The following RELN variants were observed in gnomAD, a reference collection of about 807,000 sequenced individuals.
RELN encodes reelin.
In RELN, 108 loss-of-function variants were observed where a neutral mutation model predicts 427.6. The observed-to-expected ratio is 0.25, with a 90% CI of 0.22 to 0.30. The LOEUF (loss-of-function observed/expected upper bound fraction) is 0.30. Ranked by LOEUF, RELN falls within the 10% of genes least tolerant of loss-of-function variation. RELN has a pLI of 1.00. For synonymous variants in RELN, 1,524 were observed against 1,513.4 expected, an observed-to-expected ratio of 1.01 and a Z score of -0.16; for missense variants, 3,715 against 4,302.8, an observed-to-expected ratio of 0.86 and a Z score of 3.82.
At chr7:103,547,372 C>T (rs190278213) in intron 41 of RELN, among the ~76,000 whole-genome samples, 262 of 152,334 alleles carry the variant, frequency 1.7e-3, no homozygotes, top group African/African-American at 6.0e-3. Flanking sequence ...TCTTGGCTCA[C>T]TGCAACCTCC....
At chr7:103,486,054 C>T (rs1245643447) in intron 61 of RELN, 143 bp downstream of exon 61, 2 of 770,952 alleles carry the variant, frequency 2.6e-6, no homozygotes, top group Non-Finnish European at 4.5e-6. Context: ...TATATGCTTC[C>T]TTGTCCCAAA....
intron 64 of RELN, among the ~76,000 whole-genome samples, chr7:103,476,295 C>T (rs574545922): frequency 9.2e-5 from 14 of 152,018 alleles, no homozygotes; most frequent in African/African-American, 3.4e-4. Context: ...AACCCCATCT[C>T]TACTAAAAAT....
At chr7:103,624,419 T>G (rs1256923810) in intron 20 of RELN, among the ~76,000 whole-genome samples, 2 of 152,026 alleles carry the variant, frequency 1.3e-5, no homozygotes, top group East Asian at 1.9e-4. Flanking sequence ...CCTTTTTTCC[T>G]CATGTCCCAC....
intron 6 of RELN, among the ~76,000 whole-genome samples, chr7:103,749,035 T>C (rs547827260): frequency 2.0e-5 from 3 of 152,256 alleles, no homozygotes; most frequent in South Asian, 4.1e-4. Flanking sequence ...GTATACATAA[T>C]GAGTTGACCT....
chr7:103,532,410 G>C (rs1049940733), intron 46 of RELN, among the ~76,000 whole-genome samples: 2 of 151,446 alleles, frequency 1.3e-5, no homozygotes, highest in Admixed American at 1.3e-4. Flanking sequence ...GTTTACCTAT[G>C]TAACAAACCT....
At chr7:103,671,353 T>G (rs897891300) in intron 11 of RELN, among the ~76,000 whole-genome samples, 12 of 152,140 alleles carry the variant, frequency 7.9e-5, no homozygotes, top group African/African-American at 2.9e-4. Flanking sequence ...GTTTTAGGTT[T>G]TTATGACATG....
chr7:103,755,696 G>C (rs146052539), intron 4 of RELN, among the ~76,000 whole-genome samples: 8 of 148,490 alleles, frequency 5.4e-5, no homozygotes, highest in African/African-American at 2.0e-4. Context: ...GGTGCCTGTA[G>C]TCCCAGCTAC....
Position 103,557,066 on chromosome 7 carries a change from G to T in RELN, c.5708C>A (p.Thr1903Lys). ...HLMDEFYFPQ[T>K]TNILFINVPL... ...AACATTGATGAAAAGTATATTCGTT[G>T]TTTGAGGAAAGTAAAATTCATCCAT... The change falls in exon 38 of 65, where the codon ACA becomes AAA. Residue 1903 changes from threonine to lysine, a missense_variant. By Grantham distance (78) the Thr-to-Lys change is moderately conservative (BLOSUM62 -1). Transcript: ENST00000428762. 2 of 1,613,390 alleles carry T rather than the reference G, an allele frequency of 1.2e-6. No individual in the cohort carries two copies. The highest frequency in any genetic ancestry group is 1.1e-5 in the South Asian group (1 of 91,066).
Position 103,849,837 on chromosome 7 carries a change from A to G in RELN, c.338-16165T>C, listed in dbSNP as rs184127403. 3.3e-5 allele frequency among the ~76,000 whole-genome samples: 5 copies of G among 152,336 alleles called. No homozygotes were observed. The East Asian group carries it at 9.6e-4, about 29-fold the overall frequency. On this transcript the variant is annotated intron_variant, in intron 2 of 64. Coordinates refer to ENST00000428762, the MANE Select transcript of RELN (RefSeq NM_005045.4). ...TCCTGAAAAGCCTAAAATATTTACTATCTGGCCATTTACGGAAAAAGTTTT... is the reference window on the plus strand; with the variant it reads ...TCCTGAAAAGCCTAAAATATTTACTGTCTGGCCATTTACGGAAAAAGTTTT...
intron 1 of RELN, among the ~76,000 whole-genome samples, chr7:103,971,018 C>T (rs914838198): frequency 6.6e-6 from 1 of 151,864 alleles, no homozygotes; most frequent in Non-Finnish European, 1.5e-5. Flanking sequence ...CGGGTGTGGT[C>T]GCGGGCACCC....
At chr7:103,750,567 A>G (rs966470872) in intron 5 of RELN, among the ~76,000 whole-genome samples, 3 of 152,150 alleles carry the variant, frequency 2.0e-5, no homozygotes, top group African/African-American at 7.2e-5. Flanking sequence ...TGTCTAATTC[A>G]CTTTAAAGCA....
intron 51 of RELN, among the ~76,000 whole-genome samples, chr7:103,503,892 GTAAAAA>G (rs1829118474): frequency 1.2e-5 from 1 of 83,688 alleles, no homozygotes; most frequent in African/African-American, 5.6e-5. Flanking sequence ...AAATGTTCTT[GTAAAAA>G]AAAAAAAAAA....
chr7:103,855,722 G>C (rs747528576), intron 2 of RELN, among the ~76,000 whole-genome samples: 6 of 152,144 alleles, frequency 3.9e-5, no homozygotes, highest in Non-Finnish European at 8.8e-5. Flanking sequence ...GGTCCTGAGA[G>C]AGGATCTGTC....
chr7:103,708,347 A>T (rs2115833453), intron 8 of RELN, among the ~76,000 whole-genome samples: 1 of 152,280 alleles, frequency 6.6e-6, no homozygotes, highest in African/African-American at 2.4e-5. Context: ...ATTCAGAAAA[A>T]AAAGTAGGAA....
At chr7:103,493,189 T>A (rs1035670101) in intron 57 of RELN, among the ~76,000 whole-genome samples, 9 of 152,144 alleles carry the variant, frequency 5.9e-5, no homozygotes, top group Non-Finnish European at 1.2e-4. Context: ...CTTAGTCAAC[T>A]GTTGATTTAG....
rs775819927 is a variant in RELN, at chr7:103,515,273, G to A, written c.8031C>T (p.Ala2677=). ...RTVMLDTFSS[A]PVPQHERSPA... ...GGGAGCGCTCATGCTGGGGTACTGGGGCGCTGCTGAAGGTGTCCAGCATAA... is the reference window on the plus strand; with the variant it reads ...GGGAGCGCTCATGCTGGGGTACTGGAGCGCTGCTGAAGGTGTCCAGCATAA... Residue 2677 remains alanine (A), a synonymous_variant, in exon 50 of 65, where the codon GCC becomes GCT. Coordinates refer to ENST00000428762, the MANE Select transcript of RELN (RefSeq NM_005045.4). 1.2e-6 allele frequency: 2 copies of A among 1,614,174 alleles called. No individual in the cohort carries two copies. The highest frequency in any genetic ancestry group is 3.3e-5 in the Admixed American group (2 of 60,028).
intron 23 of RELN, 46 bp downstream of exon 23, chr7:103,604,299 CA>C (rs1562917722): frequency 6.2e-7 from 1 of 1,612,216 alleles, no homozygotes; most frequent in Admixed American, 1.7e-5. Context: ...CCTCCAGCCA[CA>C]AATCTTGAGA....
chr7:103,871,244 C>T (rs1794326578), intron 2 of RELN, among the ~76,000 whole-genome samples: 1 of 126,568 alleles, frequency 7.9e-6, no homozygotes, highest in Non-Finnish European at 1.7e-5. Flanking sequence ...ATTTTTTATT[C>T]TTTCGAAAAG....
intron 2 of RELN, among the ~76,000 whole-genome samples, chr7:103,899,293 ATAAT>A (rs1286657373): frequency 1.3e-5 from 2 of 152,102 alleles, no homozygotes; most frequent in Non-Finnish European, 2.9e-5. Context: ...AATTGAGGCA[ATAAT>A]TAATAGCCTA....
Sources: gnomAD v4.1 joint callset for allele counts (sites outside exome capture counted in the v4.1 genomes callset) on GRCh38, gnomAD v4.1.1 for gene constraint, MANE v1.5 for transcripts, NCBI Gene and HGNC (gene_info 2026-07-23, HGNC 2026-07-21) for gene names.